The following MAEA variants were observed in gnomAD, a reference collection of about 807,000 sequenced individuals.
The protein encoded by MAEA is E3 ubiquitin-protein transferase MAEA.
Under a neutral mutation model 46.2 loss-of-function variants are expected in MAEA, and 22 were observed. The observed-to-expected ratio is 0.48, with a 90% CI of 0.34 to 0.68. The LOEUF is 0.68. MAEA is among the 30% of genes least tolerant of loss of function. The pLI is 0.01. For missense variants in MAEA, 393 were observed against 558.1 expected, an observed-to-expected ratio of 0.70 and a Z score of 2.98; for synonymous variants, 246 against 222.6, an observed-to-expected ratio of 1.11 and a Z score of -0.94.
At chr4:1,327,180 A>G (rs59810282) in intron 4 of MAEA, among the ~76,000 whole-genome samples, 27,667 of 152,280 alleles carry the variant, frequency 0.18, 3,532 homozygotes, top group African/African-American at 0.36. Context: ...CACCCAGTCT[A>G]CATTCGGGAT....
chr4:1,338,717 G>A (rs971478978), intron 8 of MAEA, 100 bp downstream of exon 8: 24 of 1,063,960 alleles, frequency 2.3e-5, no homozygotes, highest in South Asian at 4.5e-5. Context: ...GGCACGCATC[G>A]CCATCGGGAC....
chr4:1,316,303 T>TCA (rs987105660), intron 3 of MAEA, among the ~76,000 whole-genome samples: 9 of 151,986 alleles, frequency 5.9e-5, no homozygotes, highest in Admixed American at 3.3e-4. Flanking sequence ...GCGGCCTCTC[T>TCA]GCCATCGGGC....
At chr4:1,294,155 G>A (rs1323430076) in intron 1 of MAEA, among the ~76,000 whole-genome samples, 1 of 152,220 alleles carries the variant, frequency 6.6e-6, no homozygotes, top group Admixed American at 6.5e-5. Context: ...CCGGTCTCTA[G>A]AGCACAGTGG....
chr4:1,300,645 G>A (rs1008891645), intron 1 of MAEA, among the ~76,000 whole-genome samples: 3 of 152,246 alleles, frequency 2.0e-5, no homozygotes, highest in Admixed American at 6.5e-5. Context: ...GCCGCAGGTC[G>A]CATACCCTTT....
intron 3 of MAEA, among the ~76,000 whole-genome samples, chr4:1,316,937 G>GGC (rs1737266578): frequency 1.8e-5 from 2 of 110,184 alleles, no homozygotes; most frequent in Admixed American, 1.8e-4. Flanking sequence ...GGCCCACCCG[G>GGC]CCCCACACTC....
At chr4:1,291,443 C>T (rs1265420320) in intron 1 of MAEA, among the ~76,000 whole-genome samples, 1 of 152,212 alleles carries the variant, frequency 6.6e-6, no homozygotes, top group Non-Finnish European at 1.5e-5. Flanking sequence ...GTTTTTAATA[C>T]TCAGTGACAT....
intron 2 of MAEA, 89 bp downstream of exon 2, chr4:1,312,250 T>C: frequency 1.3e-6 from 2 of 1,511,802 alleles, no homozygotes; most frequent in Non-Finnish European, 1.8e-6. Flanking sequence ...CAAGCTGCAA[T>C]GATGGGAACG....
chr4:1,297,548 C>G (rs150007173), intron 1 of MAEA, among the ~76,000 whole-genome samples: 42 of 151,182 alleles, frequency 2.8e-4, no homozygotes, highest in South Asian at 4.1e-4. Flanking sequence ...GGATGTGGTT[C>G]CTTTTGCCCT....
intron 3 of MAEA, among the ~76,000 whole-genome samples, chr4:1,319,225 T>C (rs1737695779): frequency 6.6e-6 from 1 of 151,940 alleles, no homozygotes; most frequent in African/African-American, 2.4e-5. Flanking sequence ...TGTTGGTGGG[T>C]GCCTGGGGTC....
chr4:1,299,738 A>T (rs376778386), intron 1 of MAEA: 19 of 152,344 alleles, frequency 1.2e-4, no homozygotes, highest in African/African-American at 4.6e-4. Context: ...ATCTTTGCCA[A>T]CGTCCGTGGT....
chr4:1,321,387 A>G (rs1303402775), intron 3 of MAEA, among the ~76,000 whole-genome samples: 5 of 152,204 alleles, frequency 3.3e-5, no homozygotes, highest in African/African-American at 4.8e-5. Flanking sequence ...ATGCAAGGAA[A>G]CAACACTGTG....
intron 1 of MAEA, 124 bp downstream of exon 1, chr4:1,290,106 G>C (rs1733943470): frequency 2.0e-6 from 1 of 505,998 alleles, no homozygotes; most frequent in Non-Finnish European, 2.9e-6. Context: ...GCGGCCTCGC[G>C]GGGCCGTGCG....
chr4:1,316,421 C>A (rs995760075), intron 3 of MAEA, among the ~76,000 whole-genome samples: 1 of 151,924 alleles, frequency 6.6e-6, no homozygotes, highest in Non-Finnish European at 1.5e-5. Flanking sequence ...CACAGCCTCA[C>A]CTGACTCGGG....
chr4:1,322,943 CTTTTTTTTT>C (rs60692981), intron 4 of MAEA, among the ~76,000 whole-genome samples: 10 of 75,266 alleles, frequency 1.3e-4, no homozygotes, highest in African/African-American at 4.3e-4. Context: ...TGAATACCCA[CTTTTTTTTT>C]TTTTTTTTTT....
chr4:1,328,830 G>A lies in MAEA; in HGVS notation c.656+1127G>A, dbSNP rs529564638. 155 of 1,047,378 alleles carry A rather than the reference G, an allele frequency of 1.5e-4. No homozygotes were observed. In the African/African-American group the frequency reaches 2.4e-3, roughly 16 times the overall value. The allele number at this position is 1,047,378 out of a possible 1,614,324, so 64.9% of individuals were successfully genotyped here. ...GGCGCATGGTGGCAGGTCAGGCCTC[G>A]TCTTCACGCACGAGGGAGCCAGGCC... On this transcript the variant is annotated intron_variant, in intron 5 of 8. Coordinates refer to ENST00000303400, the MANE Select transcript of MAEA (RefSeq NM_001017405.3).
Position 1,337,386 on chromosome 4 carries a change from C to T in MAEA, c.899+392C>T, listed in dbSNP as rs569660735. The stretch of plus-strand genomic sequence containing the variant: ...GTGACTGACTCTGTCCCACCTGTGA[C>T]CGACTCTGTCTGCCTGTGACTCTGT... On this transcript the variant is annotated intron_variant, in intron 7 of 8. Coordinates refer to ENST00000303400, the MANE Select transcript of MAEA (RefSeq NM_001017405.3). 428 of 266,446 alleles carry T rather than the reference C, an allele frequency of 1.6e-3. 12 individuals carry two copies. Among genetic ancestry groups the T allele is most frequent in the South Asian group, 0.015 (426 of 28,732 alleles). 16.5% of individuals were successfully genotyped at this position (266,446 alleles called of 1,614,324 possible). A position where few individuals can be genotyped will look rare whatever the true frequency, so the allele number is the denominator to read the frequency against.
At chr4:1,310,720 G>C (rs1030113626) in intron 1 of MAEA, among the ~76,000 whole-genome samples, 1 of 152,232 alleles carries the variant, frequency 6.6e-6, no homozygotes, top group Non-Finnish European at 1.5e-5. Context: ...CGTCGGCGCT[G>C]GGGGATGTCT....
chr4:1,305,862 C>A (rs930463001), intron 1 of MAEA, among the ~76,000 whole-genome samples: 2 of 152,220 alleles, frequency 1.3e-5, no homozygotes, highest in Non-Finnish European at 2.9e-5. Flanking sequence ...AAATGTAGTT[C>A]CAGTCTCAGT....
chr4:1,322,943 C>CTTTTTTTTTTTTTTT (rs60692981), intron 4 of MAEA, among the ~76,000 whole-genome samples: 1 of 75,246 alleles, frequency 1.3e-5, no homozygotes, highest in Non-Finnish European at 2.4e-5. Context: ...TGAATACCCA[C>CTTTTTTTTTTTTTTT]TTTTTTTTTT....
Sources: gnomAD v4.1 joint callset for allele counts (sites outside exome capture counted in the v4.1 genomes callset) on GRCh38, gnomAD v4.1.1 for gene constraint, MANE v1.5 for transcripts, NCBI Gene and HGNC (gene_info 2026-07-23, HGNC 2026-07-21) for gene names.